Variants in C20orf203 observed in about 807,000 individuals in gnomAD.
C20orf203 encodes the protein uncharacterized protein C20orf203.
Under a neutral mutation model 15.9 loss-of-function variants are expected in C20orf203, and 16 were observed. The ratio of observed to expected loss-of-function variants is 1.01; its 90% CI spans 0.68 to 1.53. The LOEUF (loss-of-function observed/expected upper bound fraction) is 1.53, where lower values mean the gene tolerates loss of function less well. Among genes scored for constraint, C20orf203 ranks in the 40% most tolerant of loss-of-function variants. The pLI, the probability that C20orf203 is intolerant of heterozygous loss-of-function variation, is 0.00. For missense variants in C20orf203, 263 were observed against 247.5 expected (o/e 1.06, Z -0.42); for synonymous variants, 98 against 97.2 (o/e 1.01, Z -0.05).
chr20:32,634,791 G>C (rs114235008), intron 5 of C20orf203, among the ~76,000 whole-genome samples: 4,246 of 152,166 alleles, frequency 0.028, 193 homozygotes, highest in African/African-American at 0.096. Context: ...TTTATTAGGA[G>C]ACCTACATAT....
At chr20:32,668,010 G>A (rs1983075245) in intron 1 of C20orf203, among the ~76,000 whole-genome samples, 2 of 152,266 alleles carry the variant, frequency 1.3e-5, no homozygotes, top group South Asian at 4.1e-4. Flanking sequence ...GTGATTAGGT[G>A]GTCTCTGGGG....
At chr20:32,662,663 T>C (rs6119924) in intron 1 of C20orf203, among the ~76,000 whole-genome samples, 53,757 of 151,444 alleles carry the variant, frequency 0.35, 10,145 homozygotes, top group African/African-American at 0.45. Context: ...AACTGAGGGG[T>C]CCTTCTCAGT....
chr20:32,635,394 G>A (rs1160331507), intron 5 of C20orf203, among the ~76,000 whole-genome samples: 1 of 152,130 alleles, frequency 6.6e-6, no homozygotes, highest in African/African-American at 2.4e-5. Flanking sequence ...AGCTACTCGG[G>A]AGGCTGAGGC....
chr20:32,660,544 G>C (rs1272893788), intron 1 of C20orf203, among the ~76,000 whole-genome samples: 1 of 152,174 alleles, frequency 6.6e-6, no homozygotes, highest in Non-Finnish European at 1.5e-5. Flanking sequence ...CATCAGCACT[G>C]AGCCTCACAA....
At chr20:32,641,291 C>T (rs186744868) in intron 4 of C20orf203, among the ~76,000 whole-genome samples, 43 of 144,796 alleles carry the variant, frequency 3.0e-4, no homozygotes, top group Non-Finnish European at 5.8e-4. Context: ...GCCGTGATCA[C>T]GCTATTGCAC....
At chr20:32,635,298 G>A (rs1340466095) in intron 5 of C20orf203, among the ~76,000 whole-genome samples, 1 of 150,838 alleles carries the variant, frequency 6.6e-6, no homozygotes, top group African/African-American at 2.4e-5. Context: ...AGGAGTTCAA[G>A]AGCAGCCCGA....
At chr20:32,653,342 C>G (rs140788802) in intron 1 of C20orf203, among the ~76,000 whole-genome samples, 12 of 152,274 alleles carry the variant, frequency 7.9e-5, no homozygotes, top group African/African-American at 2.9e-4. Flanking sequence ...CTCAAGACAT[C>G]CCACCCTAGG....
At chr20:32,636,227 C>A (rs1038240290) in intron 5 of C20orf203, among the ~76,000 whole-genome samples, 2 of 152,302 alleles carry the variant, frequency 1.3e-5, no homozygotes, top group Non-Finnish European at 2.9e-5. Context: ...TTGTTTCCCG[C>A]CTCCAATATC....
intron 1 of C20orf203, among the ~76,000 whole-genome samples, chr20:32,669,197 G>C (rs1251276223): frequency 1.3e-5 from 2 of 152,318 alleles, no homozygotes; most frequent in Admixed American, 1.3e-4. Context: ...GCCTCTCTGG[G>C]ACTCAGTGCC....
intron 1 of C20orf203, among the ~76,000 whole-genome samples, chr20:32,669,075 G>A (rs1465447251): frequency 6.6e-6 from 1 of 152,206 alleles, no homozygotes; most frequent in East Asian, 1.9e-4. Context: ...TGCATGCAGA[G>A]AGTCGTGTGC....
At chr20:32,659,213 G>A (rs1285055200) in intron 1 of C20orf203, among the ~76,000 whole-genome samples, 1 of 151,854 alleles carries the variant, frequency 6.6e-6, no homozygotes. Context: ...TGGTGCAGCT[G>A]CTGCACAGCC....
intron 5 of C20orf203, among the ~76,000 whole-genome samples, chr20:32,635,742 G>C (rs1330549814): frequency 6.6e-6 from 1 of 152,148 alleles, no homozygotes; most frequent in Admixed American, 6.5e-5. Flanking sequence ...CTAGGTGACA[G>C]AGCAAGACCC....
At chr20:32,672,486 C>T (rs1312621995) in intron 1 of C20orf203, among the ~76,000 whole-genome samples, 1 of 151,582 alleles carries the variant, frequency 6.6e-6, no homozygotes, top group East Asian at 1.9e-4. Flanking sequence ...GGCAGGAGGA[C>T]TGCTTGAGCC....
At chr20:32,652,209 T>A (rs1238314000) in intron 1 of C20orf203, among the ~76,000 whole-genome samples, 1 of 148,634 alleles carries the variant, frequency 6.7e-6, no homozygotes, top group East Asian at 2.0e-4. Flanking sequence ...CTTGGGAGAC[T>A]GAGGCACGAG....
rs1982551777 is a variant in C20orf203, at chr20:32,649,790, G to A, written c.*642C>T. On this transcript the variant is annotated 3_prime_UTR_variant, in exon 4 of 6. Coordinates refer to ENST00000608990, the MANE Select transcript of C20orf203 (RefSeq NM_182584.4). ...GGCCCTCAGCCTCACCCTTCTTCAG[G>A]GAAACAGAAGGGGGCTGGTTCGGCC... 6.6e-6 allele frequency: 1 copy of A among 152,522 alleles called. No individual in the cohort carries two copies. Among genetic ancestry groups the A allele is most frequent in the African/African-American group, 2.4e-5 (1 of 41,454 alleles). The allele number at this position is 152,522 out of a possible 1,614,324, so 9.4% of individuals were successfully genotyped here.
intron 1 of C20orf203, among the ~76,000 whole-genome samples, chr20:32,654,615 G>A (rs1406340926): frequency 5.9e-5 from 9 of 152,028 alleles, no homozygotes; most frequent in Non-Finnish European, 1.2e-4. Flanking sequence ...GGCCGAGGTG[G>A]GCAGATCACT....
chr20:32,657,192 A>T (rs1982780810), intron 1 of C20orf203: 1 of 152,244 alleles, frequency 6.6e-6, no homozygotes, highest in African/African-American at 2.4e-5. Context: ...CTACAAAAAA[A>T]TTAAAAATTA....
chr20:32,644,026 G>A (rs888805941), intron 4 of C20orf203, among the ~76,000 whole-genome samples: 2 of 152,144 alleles, frequency 1.3e-5, no homozygotes, highest in African/African-American at 4.8e-5. Context: ...CCACGCCCAC[G>A]ACTGCCCAGC....
At chr20:32,658,882 T>C (rs76348147) in intron 1 of C20orf203, among the ~76,000 whole-genome samples, 5 of 146,154 alleles carry the variant, frequency 3.4e-5, no homozygotes, top group African/African-American at 5.0e-5. Flanking sequence ...CCACTTCTCT[T>C]TTTTTTTTTT....
Sources: gnomAD v4.1 joint callset for allele counts (sites outside exome capture counted in the v4.1 genomes callset) on GRCh38, gnomAD v4.1.1 for gene constraint, MANE v1.5 for transcripts, NCBI Gene and HGNC (gene_info 2026-07-23, HGNC 2026-07-21) for gene names.